The following CADM2 variants were observed in gnomAD, a reference collection of about 807,000 sequenced individuals.
CADM2 encodes immunoglobulin superfamily member 4D.
A neutral mutation model predicts 49.8 loss-of-function variants in CADM2; 12 were observed. The observed-to-expected ratio is 0.24, with a 90% confidence interval of 0.15 to 0.39. CADM2 has a LOEUF of 0.39. CADM2 is among the 10% of genes least tolerant of loss of function. The pLI is 1.00. For synonymous variants in CADM2, 214 were observed against 175.4 expected (o/e 1.22, Z -1.74); for missense variants, 378 against 492.3 (o/e 0.77, Z 2.20).
At chr3:85,935,649 A>T (rs1721115006) in intron 6 of CADM2, 118 bp from the exon 7 acceptor site, 5 of 441,628 alleles carry the variant, frequency 1.1e-5, no homozygotes, top group Non-Finnish European at 2.0e-5. Flanking sequence ...TCCTTTATAA[A>T]TATACACAAT....
intron 2 of CADM2, among the ~76,000 whole-genome samples, chr3:85,762,377 A>G (rs1259123673): frequency 1.3e-5 from 2 of 152,034 alleles, no homozygotes; most frequent in South Asian, 2.1e-4. Flanking sequence ...CTCAACATTT[A>G]CTGGAATCAA....
chr3:85,599,866 A>G (rs546915956), intron 1 of CADM2, among the ~76,000 whole-genome samples: 1 of 151,242 alleles, frequency 6.6e-6, no homozygotes, highest in South Asian at 2.1e-4. Flanking sequence ...AGAAAGAATT[A>G]GCTAAATTTA....
At chr3:85,374,190 G>A (rs1019521880) in intron 1 of CADM2, among the ~76,000 whole-genome samples, 1 of 151,960 alleles carries the variant, frequency 6.6e-6, no homozygotes. Context: ...AATAAAATGT[G>A]AATGCTTTTA....
intron 1 of CADM2, among the ~76,000 whole-genome samples, chr3:85,319,918 C>A (rs577750835): frequency 3.3e-5 from 5 of 152,240 alleles, no homozygotes; most frequent in Admixed American, 2.0e-4. Flanking sequence ...TACCCCTGAA[C>A]CTAAATAAGA....
chr3:85,999,353 A>C lies in CADM2; in HGVS notation c.970+37706A>C, dbSNP rs946662747. On this transcript the variant is annotated intron_variant, in intron 8 of 9. Coordinates refer to ENST00000383699, the MANE Select transcript of CADM2 (RefSeq NM_001167675.2). Reference sequence around the variant, plus strand: ...ACCCCCATCTCTACTAAAACTACCCAAAATTTTCAGGCATGATGGTGTGCA... The same window carrying C: ...ACCCCCATCTCTACTAAAACTACCCCAAATTTTCAGGCATGATGGTGTGCA... Among the ~76,000 whole-genome samples, 8 of 151,998 alleles carry C rather than the reference A, an allele frequency of 5.3e-5. No homozygotes were observed. The East Asian group carries it at 1.6e-3, about 30-fold the overall frequency.
intron 1 of CADM2, among the ~76,000 whole-genome samples, chr3:85,009,663 C>T (rs1041044280): frequency 2.0e-5 from 3 of 151,962 alleles, no homozygotes; most frequent in Admixed American, 6.6e-5. Context: ...CTCAGGAGTT[C>T]GAGACCAGCC....
intron 6 of CADM2, among the ~76,000 whole-genome samples, chr3:85,927,501 C>G (rs534514839): frequency 6.6e-6 from 1 of 152,238 alleles, no homozygotes; most frequent in Non-Finnish European, 1.5e-5. Flanking sequence ...TAGCACTCTT[C>G]TTTGTGTGTC....
intron 1 of CADM2, among the ~76,000 whole-genome samples, chr3:85,380,000 T>C (rs1388989846): frequency 6.6e-6 from 1 of 152,048 alleles, no homozygotes; most frequent in Non-Finnish European, 1.5e-5. Context: ...AAAGTCTGCA[T>C]GAGTATTTCT....
intron 5 of CADM2, among the ~76,000 whole-genome samples, chr3:85,886,562 T>C (rs2108402548): frequency 6.6e-6 from 1 of 152,220 alleles, no homozygotes; most frequent in East Asian, 1.9e-4. Flanking sequence ...AAATAATATA[T>C]GCCTTATAGA....
chr3:85,111,978 C>A (rs1287057112), intron 1 of CADM2, among the ~76,000 whole-genome samples: 2 of 151,806 alleles, frequency 1.3e-5, no homozygotes, highest in African/African-American at 4.8e-5. Context: ...TCCATTAGAG[C>A]ACCTATCTAA....
chr3:85,952,196 G>T (rs144563717), intron 7 of CADM2, among the ~76,000 whole-genome samples: 4 of 150,972 alleles, frequency 2.6e-5, no homozygotes, highest in African/African-American at 9.7e-5. Context: ...AGAAGTCAAG[G>T]TATTAGTGGG....
intron 8 of CADM2, among the ~76,000 whole-genome samples, chr3:86,033,106 C>G (rs1426754002): frequency 6.6e-6 from 1 of 151,830 alleles, no homozygotes; most frequent in East Asian, 1.9e-4. Context: ...TTTATTTTCA[C>G]TCTCAGTTGC....
intron 1 of CADM2, among the ~76,000 whole-genome samples, chr3:85,565,184 C>T (rs997870937): frequency 2.6e-5 from 4 of 151,698 alleles, no homozygotes; most frequent in African/African-American, 7.3e-5. Context: ...ACTTGTTTGC[C>T]TTTATAACTT....
intron 1 of CADM2, among the ~76,000 whole-genome samples, chr3:85,658,576 G>GTGTA (rs1460728518): frequency 5.1e-4 from 35 of 68,728 alleles, no homozygotes; most frequent in East Asian, 1.2e-3. Flanking sequence ...GGATATATGT[G>GTGTA]TATATATATA....
intron 1 of CADM2, among the ~76,000 whole-genome samples, chr3:85,169,496 G>A (rs1180883713): frequency 2.6e-5 from 4 of 152,130 alleles, no homozygotes; most frequent in African/African-American, 7.2e-5. Flanking sequence ...TCTTGTATGG[G>A]TGTGGTGGCT....
At chr3:85,038,093 T>C (rs1159503748) in intron 1 of CADM2, among the ~76,000 whole-genome samples, 1 of 152,220 alleles carries the variant, frequency 6.6e-6, no homozygotes, top group Non-Finnish European at 1.5e-5. Context: ...CTTTTCTTAG[T>C]ACTTAGTTAA....
chr3:85,311,570 G>T (rs1433740583), intron 1 of CADM2, among the ~76,000 whole-genome samples: 1 of 151,750 alleles, frequency 6.6e-6, no homozygotes, highest in Admixed American at 6.6e-5. Context: ...TAGAAACGGG[G>T]TTTCACCGTG....
Position 85,950,408 on chromosome 3 carries a change from T to C in CADM2, c.792-11061T>C, listed in dbSNP as rs1723293708. ...CTCCTTCATGATCATAGCAATCTTA[T>C]CTTTTCTAAGGATAATCTTTTATTT... On this transcript the variant is annotated intron_variant, in intron 7 of 9. Coordinates refer to ENST00000383699, the MANE Select transcript of CADM2 (RefSeq NM_001167675.2). Among the ~76,000 whole-genome samples the C allele has an allele frequency of 2.6e-5, 4 of 151,274 alleles. No homozygotes were observed. The Admixed American group carries it at 2.6e-4, about 10-fold the overall frequency.
chr3:85,699,674 G>T (rs74744133), intron 1 of CADM2, among the ~76,000 whole-genome samples: 4,610 of 152,290 alleles, frequency 0.03, 255 homozygotes, highest in African/African-American at 0.11. Flanking sequence ...CAGAGCAGTA[G>T]AGTCCTGGGC....
Sources: allele counts gnomAD v4.1 joint callset (sites outside exome capture counted in the v4.1 genomes callset), GRCh38; gene constraint gnomAD v4.1.1; transcripts MANE v1.5; gene names NCBI Gene and HGNC (gene_info 2026-07-23, HGNC 2026-07-21).